Variants in RSAD2 observed in about 807,000 individuals in gnomAD.
RSAD2 encodes the protein S-adenosylmethionine-dependent nucleotide dehydratase RSAD2.
In RSAD2, 38 loss-of-function variants were observed where a neutral mutation model predicts 37.7. The ratio of observed to expected loss-of-function variants is 1.01; its 90% CI spans 0.78 to 1.32. The LOEUF is 1.32. RSAD2 is among the 40% of genes most tolerant of loss of function. The pLI is 0.00. For missense variants in RSAD2, 428 were observed against 437.5 expected (o/e 0.98, Z 0.19); for synonymous variants, 163 against 157.4 (o/e 1.04, Z -0.27).
chr2:6,878,053 T>C lies in RSAD2; in HGVS notation c.253T>C (p.Tyr85His). ...VNYHFTRQCN[Y>H]KCGFCFHTAK... ...CTATCACTTCACTCGCCAGTGCAAC[T>C]ACAAATGCGGCTTCTGTTTCCACAC... Residue 85 changes from tyrosine (Y) to histidine (H), a missense_variant, in exon 1 of 6, where the codon TAC (tyrosine) becomes CAC (histidine). Tyr to His is a moderately conservative substitution (Grantham distance 83, BLOSUM62 2). Coordinates refer to ENST00000382040, the MANE Select transcript of RSAD2 (RefSeq NM_080657.5). The C allele has an allele frequency of 6.2e-7, 1 of 1,614,186 alleles. No individual in the cohort carries two copies.
chr2:6,871,765 A>C (rs1327322258), intron 1 of RSAD2, among the ~76,000 whole-genome samples: 1 of 152,224 alleles, frequency 6.6e-6, no homozygotes, highest in African/African-American at 2.4e-5. Flanking sequence ...TCTAAAAATG[A>C]GTACTCATAA....
chr2:6,872,722 A>T (rs1318941201), intron 1 of RSAD2, among the ~76,000 whole-genome samples: 2 of 152,164 alleles, frequency 1.3e-5, no homozygotes, highest in African/African-American at 2.4e-5. Flanking sequence ...TGATAAAAGC[A>T]ATTTTCTGTG....
rs1346467641 is a variant in RSAD2, at chr2:6,893,734, AACTT to A, written c.921+33_921+36del. ...TATTTCCAATGAGTTATAAAATTAA[AACTT>A]AATTAATTAATTAGCAGTAATGGCA... is the stretch of plus-strand genomic sequence containing the variant. On this transcript the variant is annotated intron_variant, in intron 5 of 5. Coordinates refer to ENST00000382040, the MANE Select transcript of RSAD2 (RefSeq NM_080657.5). The A allele has an allele frequency of 4.0e-6, 6 of 1,483,936 alleles. No homozygotes were observed. The African/African-American group carries it at 6.9e-5, about 17-fold the overall frequency. The allele number at this position is 1,483,936 out of a possible 1,614,324, so 91.9% of individuals were successfully genotyped here. A position where few individuals can be genotyped will look rare whatever the true frequency, so the allele number is the denominator to read the frequency against.
chr2:6,872,634 G>A (rs1172647772), intron 1 of RSAD2, among the ~76,000 whole-genome samples: 1 of 152,120 alleles, frequency 6.6e-6, no homozygotes, highest in African/African-American at 2.4e-5. Context: ...TTAAGAAAGA[G>A]GAAGTATGGA....
At chr2:6,868,647 G>GT (rs1663149997) in intron 1 of RSAD2, among the ~76,000 whole-genome samples, 1 of 152,198 alleles carries the variant, frequency 6.6e-6, no homozygotes, top group Non-Finnish European at 1.5e-5. Flanking sequence ...ATAACCTTCT[G>GT]TTTCTTTTTT....
chr2:6,879,585 A>G (rs546668891), intron 1 of RSAD2, among the ~76,000 whole-genome samples: 12 of 152,308 alleles, frequency 7.9e-5, no homozygotes, highest in South Asian at 4.1e-4. Context: ...CTCTGCAGCC[A>G]TAATTATGCC....
At chr2:6,876,112 TC>T (rs1319471955), upstream of RSAD2, among the ~76,000 whole-genome samples, 1 of 152,128 alleles carries the variant, frequency 6.6e-6, no homozygotes, top group Non-Finnish European at 1.5e-5. Context: ...GGTAAATACT[TC>T]CAGGCAGGTT....
At chr2:6,885,038 C>A (rs1167095168) in intron 2 of RSAD2, among the ~76,000 whole-genome samples, 1 of 152,110 alleles carries the variant, frequency 6.6e-6, no homozygotes, top group Non-Finnish European at 1.5e-5. Flanking sequence ...GGCCTCACTA[C>A]CTCTCCAAGT....
At chr2:6,867,531 A>T (rs1283438289) in intron 1 of RSAD2, among the ~76,000 whole-genome samples, 2 of 152,194 alleles carry the variant, frequency 1.3e-5, no homozygotes, top group African/African-American at 4.8e-5. Flanking sequence ...ACTGGGGGCT[A>T]GGCCTGAGCA....
intron 2 of RSAD2, 136 bp downstream of exon 2, chr2:6,883,668 CTAAT>C (rs1481495215): frequency 1.0e-6 from 1 of 970,192 alleles, no homozygotes; most frequent in Non-Finnish European, 1.5e-6. Flanking sequence ...CTTGCTTACT[CTAAT>C]TGCTTTTCAA....
At position 6,866,412 on chromosome 2, in the gene RSAD2, T is replaced by G. The variant is rs4668514; in HGVS notation, c.142+367T>G. 1.7e-5 allele frequency: 17 copies of G among 983,190 alleles called. No individual in the cohort carries two copies. In the African/African-American group the frequency reaches 3.0e-4, roughly 17 times the overall value. The allele number at this position is 983,190 out of a possible 1,614,324, so 60.9% of individuals were successfully genotyped here. On this transcript the variant is annotated intron_variant, in intron 1 of 5. Transcript: ENST00000442639. ...CACTCACCTGTGCACACACTCACCTTTGCACACACTCACCTGTGCACAAGC... is the reference window on the plus strand; with the variant it reads ...CACTCACCTGTGCACACACTCACCTGTGCACACACTCACCTGTGCACAAGC...
intron 3 of RSAD2, 118 bp downstream of exon 3, chr2:6,887,282 C>T (rs1180671321): frequency 1.4e-6 from 1 of 698,600 alleles, no homozygotes; most frequent in African/African-American, 1.8e-5. Flanking sequence ...GCAAGCCAGT[C>T]CAGAAGTCAG....
chr2:6,882,756 A>G (rs1663439027), intron 1 of RSAD2, among the ~76,000 whole-genome samples: 1 of 152,222 alleles, frequency 6.6e-6, no homozygotes, highest in Admixed American at 6.5e-5. Flanking sequence ...AAAGCCATGC[A>G]CTTACAAAGG....
At chr2:6,877,190 C>CTAAAT (rs1663297710), upstream of RSAD2, 1 of 152,164 alleles carries the variant, frequency 6.6e-6, no homozygotes, top group Non-Finnish European at 1.5e-5. Context: ...ATGTAAATAT[C>CTAAAT]TAAATTTTAA....
chr2:6,883,604 C>T, intron 2 of RSAD2, 72 bp downstream of exon 2: 2 of 1,553,164 alleles, frequency 1.3e-6, no homozygotes, highest in East Asian at 2.3e-5. Context: ...ATTTCCTTCC[C>T]TCCTGGGCCT....
intron 1 of RSAD2, chr2:6,866,588 G>T: frequency 2.5e-6 from 1 of 399,072 alleles, no homozygotes; most frequent in Non-Finnish European, 3.4e-6. Flanking sequence ...CCCTCTGCCT[G>T]CCACAGTCCA....
At chr2:6,879,839 T>A (rs1049812421) in intron 1 of RSAD2, among the ~76,000 whole-genome samples, 1 of 152,192 alleles carries the variant, frequency 6.6e-6, no homozygotes, top group African/African-American at 2.4e-5. Context: ...AGGAGATATG[T>A]CGAGGGAAAT....
upstream of RSAD2, chr2:6,876,801 T>A (rs934814424): frequency 2.6e-5 from 4 of 152,218 alleles, no homozygotes; most frequent in African/African-American, 9.6e-5. Flanking sequence ...TTCACAAAAA[T>A]TAGCAGTTTT....
At chr2:6,879,376 CT>C (rs1663354792) in intron 1 of RSAD2, among the ~76,000 whole-genome samples, 1 of 152,114 alleles carries the variant, frequency 6.6e-6, no homozygotes, top group East Asian at 1.9e-4. Flanking sequence ...GTCAAGGCCC[CT>C]GGCAAGCTCA....
Sources: allele counts gnomAD v4.1 joint callset (sites outside exome capture counted in the v4.1 genomes callset), GRCh38; gene constraint gnomAD v4.1.1; transcripts MANE v1.5; gene names NCBI Gene and HGNC (gene_info 2026-07-23, HGNC 2026-07-21).